Variants in ATP13A4 observed in about 807,000 individuals in gnomAD.
ATP13A4 encodes ATPase 13A4, also known as probable cation-transporting ATPase 13A4.
Under a neutral mutation model 142.5 loss-of-function variants are expected in ATP13A4, and 114 were observed. That is an observed-to-expected ratio of 0.80 (90% CI 0.69 to 0.93). The LOEUF (loss-of-function observed/expected upper bound fraction) is 0.93. ATP13A4 is among the 40% of genes least tolerant of loss of function. The pLI, the probability that ATP13A4 is intolerant of heterozygous loss-of-function variation, is 0.00. For synonymous variants in ATP13A4, 488 were observed against 514.8 expected (o/e 0.95, Z 0.70); for missense variants, 1,392 against 1,454.0 (o/e 0.96, Z 0.69).
intron 16 of ATP13A4, 135 bp downstream of exon 16, chr3:193,456,865 T>C (rs990414990): frequency 4.5e-6 from 5 of 1,105,554 alleles, no homozygotes; most frequent in African/African-American, 3.1e-5. Flanking sequence ...GGTTTTCGTA[T>C]TGAATTTGGA....
At chr3:193,483,897 C>CA in intron 8 of ATP13A4, 39 bp downstream of exon 8, 1 of 1,402,896 alleles carries the variant, frequency 7.1e-7, no homozygotes, top group Non-Finnish European at 1.0e-6. Context: ...TTTCTGATTC[C>CA]ATGTGAATAG....
intron 1 of ATP13A4, among the ~76,000 whole-genome samples, chr3:193,587,808 G>A (rs1724696434): frequency 6.6e-6 from 1 of 151,958 alleles, no homozygotes; most frequent in South Asian, 2.1e-4. Context: ...TATACAAAAA[G>A]TATAAAAATT....
chr3:193,548,832 C>T (rs563336876), intron 1 of ATP13A4, among the ~76,000 whole-genome samples: 8 of 152,268 alleles, frequency 5.3e-5, no homozygotes, highest in South Asian at 2.1e-4. Context: ...CTAGGTTCTC[C>T]GAAATGACAT....
chr3:193,442,513 T>A lies in ATP13A4; in HGVS notation c.2196A>T (p.Gly732=). The A allele has an allele frequency of 6.2e-7, 1 of 1,614,092 alleles. No homozygotes were observed. Among genetic ancestry groups the A allele is most frequent in the Non-Finnish European group, 8.5e-7 (1 of 1,179,942 alleles). Residue 732 remains glycine, a synonymous_variant, in exon 19 of 30, where the codon GGA becomes GGT. Coordinates refer to ENST00000342695, the MANE Select transcript of ATP13A4 (RefSeq NM_032279.4). ...QTAITVARKS[G]MVSESQKVIL... is the part of the protein sequence containing the mutation. ...TGACTTTCTGGCTTTCAGAAACCAT[T>A]CCAGATTTTCTGGCCACTGTTATTG... is the stretch of plus-strand genomic sequence containing the variant.
Position 193,439,077 on chromosome 3 carries a change from C to A in ATP13A4, c.2520-12G>T. The A allele has an allele frequency of 6.3e-7, 1 of 1,597,884 alleles. No individual in the cohort carries two copies. Among genetic ancestry groups the A allele is most frequent in the Non-Finnish European group, 8.6e-7 (1 of 1,165,346 alleles). ...TACCTACAAAGTAACTAAGAGGGAA[C>A]CACATTAATTGTAGATGAGATCAAA... On this transcript the variant is annotated splice_polypyrimidine_tract_variant and intron_variant, in intron 21 of 29. Coordinates refer to ENST00000342695, the MANE Select transcript of ATP13A4 (RefSeq NM_032279.4).
rs1714228746 is a variant in ATP13A4, at chr3:193,400,557, C to G, written c.*2095G>C. 6.6e-6 allele frequency among the ~76,000 whole-genome samples: 1 copy of G among 152,200 alleles called. No homozygotes were observed. Among genetic ancestry groups the G allele is most frequent in the Non-Finnish European group, 1.5e-5 (1 of 68,038 alleles). On this transcript the variant is annotated 3_prime_UTR_variant, in exon 30 of 30. Transcript: ENST00000342695. ...GTGAGATCACACTAAGCAACCTGCC[C>G]TGCTGGAACTCTGGAATTTGGAAGT...
chr3:193,433,814 C>T lies in ATP13A4; in HGVS notation c.2842+31G>A, dbSNP rs745913321. ...AGAGGGAGGGCAGCTGAGGGTAGCA[C>T]CTCTGGTAAGAAAGTTTTAAAATGT... is the stretch of plus-strand genomic sequence containing the variant. On this transcript the variant is annotated intron_variant, in intron 25 of 29. Transcript: ENST00000342695. 51 of 1,560,150 alleles carry T rather than the reference C, an allele frequency of 3.3e-5. No individual in the cohort carries two copies. The South Asian group carries it at 3.3e-4, about 10-fold the overall frequency.
Position 193,453,385 on chromosome 3 carries a change from C to T in ATP13A4, c.2027+716G>A, listed in dbSNP as rs1183052513. ...TTTAAAAATGAGCCTAGATTAGCTCCGTAACAGCATAAGCAGTGGTGGCTG... is the reference window on the plus strand; with the variant it reads ...TTTAAAAATGAGCCTAGATTAGCTCTGTAACAGCATAAGCAGTGGTGGCTG... On this transcript the variant is annotated intron_variant, in intron 17 of 29. Coordinates refer to ENST00000342695, the MANE Select transcript of ATP13A4 (RefSeq NM_032279.4). Among the ~76,000 whole-genome samples, 8 of 151,926 alleles carry T rather than the reference C, an allele frequency of 5.3e-5. No individual in the cohort carries two copies. The East Asian group carries it at 1.2e-3, about 22-fold the overall frequency.
intron 18 of ATP13A4, among the ~76,000 whole-genome samples, chr3:193,443,663 T>C (rs1716783653): frequency 6.6e-6 from 1 of 152,182 alleles, no homozygotes; most frequent in Non-Finnish European, 1.5e-5. Flanking sequence ...AATCCATAGA[T>C]AGCCTAGATG....
intron 12 of ATP13A4, among the ~76,000 whole-genome samples, chr3:193,463,290 G>A (rs1022124031): frequency 1.3e-5 from 2 of 152,072 alleles, no homozygotes; most frequent in African/African-American, 4.8e-5. Context: ...GGATGTGAAA[G>A]TCCTCGATAT....
chr3:193,558,790 A>T (rs897774235), upstream of ATP13A4, among the ~76,000 whole-genome samples: 1 of 152,214 alleles, frequency 6.6e-6, no homozygotes, highest in Non-Finnish European at 1.5e-5. Context: ...AATTGAGAGG[A>T]ATGTCCAAAA....
intron 8 of ATP13A4, among the ~76,000 whole-genome samples, chr3:193,475,897 T>C (rs528558025): frequency 6.6e-6 from 1 of 152,178 alleles, no homozygotes; most frequent in South Asian, 2.1e-4. Flanking sequence ...CTGAGTGCAT[T>C]AGTTTGTCAC....
At chr3:193,410,947 G>A (rs901135955) in intron 28 of ATP13A4, 35 bp downstream of exon 28, 9 of 1,309,172 alleles carry the variant, frequency 6.9e-6, no homozygotes, top group Middle Eastern at 1.8e-4. Flanking sequence ...TTACATAACT[G>A]TAAAGCATCA....
chr3:193,465,710 A>C (rs1718235651), intron 11 of ATP13A4, among the ~76,000 whole-genome samples: 3 of 152,372 alleles, frequency 2.0e-5, no homozygotes, highest in African/African-American at 4.8e-5. Flanking sequence ...AATAGCTCTA[A>C]ATATGCTACT....
chr3:193,452,266 G>A (rs114469716), intron 17 of ATP13A4, among the ~76,000 whole-genome samples: 1,685 of 152,228 alleles, frequency 0.011, 35 homozygotes, highest in African/African-American at 0.038. Flanking sequence ...TTCCCTGGAC[G>A]CAAGTTGCCT....
intron 25 of ATP13A4, among the ~76,000 whole-genome samples, chr3:193,420,372 C>T (rs1159438553): frequency 6.7e-6 from 1 of 150,272 alleles, no homozygotes; most frequent in African/African-American, 2.4e-5. Context: ...GACTCATCTG[C>T]AAGTGAAAGC....
chr3:193,563,127 T>C (rs562825627), intron 2 of ATP13A4, among the ~76,000 whole-genome samples: 2 of 152,240 alleles, frequency 1.3e-5, no homozygotes, highest in Admixed American at 1.3e-4. Context: ...AGTTGAACGG[T>C]ACTTGAGAAT....
At chr3:193,489,674 T>C (rs1237991624) in intron 7 of ATP13A4, 56 bp downstream of exon 7, 2 of 1,556,438 alleles carry the variant, frequency 1.3e-6, no homozygotes, top group African/African-American at 1.4e-5. Flanking sequence ...AACAAATTTT[T>C]AATAAAGTCA....
At chr3:193,435,580 G>A (rs769106925) in intron 24 of ATP13A4, 68 bp downstream of exon 24, 9 of 1,236,720 alleles carry the variant, frequency 7.3e-6, no homozygotes, top group Non-Finnish European at 9.6e-6. Context: ...GAGAGGCATT[G>A]TAAATTGAGA....
Sources: gnomAD v4.1 joint callset for allele counts (sites outside exome capture counted in the v4.1 genomes callset) on GRCh38, gnomAD v4.1.1 for gene constraint, MANE v1.5 for transcripts, NCBI Gene and HGNC (gene_info 2026-07-23, HGNC 2026-07-21) for gene names.